Variants in ERBB4 observed in about 807,000 individuals in gnomAD.
ERBB4 encodes the protein erb-b2 receptor tyrosine kinase 4.
ERBB4 carries 42 observed loss-of-function variants against 158.0 expected under a neutral mutation model. The observed-to-expected ratio is 0.27, with a 90% CI of 0.21 to 0.34. The LOEUF (loss-of-function observed/expected upper bound fraction) is 0.34. Ranked by LOEUF, ERBB4 falls within the 10% of genes least tolerant of loss-of-function variation. The pLI is 1.00. For missense variants in ERBB4, 1,333 were observed against 1,624.1 expected, an observed-to-expected ratio of 0.82 and a Z score of 3.08; for synonymous variants, 583 against 558.7, an observed-to-expected ratio of 1.04 and a Z score of -0.61.
chr2:211,739,044 C>T (rs1428417146), intron 5 of ERBB4, among the ~76,000 whole-genome samples: 1 of 152,078 alleles, frequency 6.6e-6, no homozygotes, highest in African/African-American at 2.4e-5. Context: ...CCTAGTACTT[C>T]CAGTTATATC....
At chr2:211,632,975 C>T (rs757327782) in intron 16 of ERBB4, among the ~76,000 whole-genome samples, 1 of 152,004 alleles carries the variant, frequency 6.6e-6, no homozygotes. Flanking sequence ...TTATAAGAGG[C>T]CAAATTCTGC....
At chr2:212,280,235 G>A (rs1295275022) in intron 1 of ERBB4, among the ~76,000 whole-genome samples, 3 of 151,540 alleles carry the variant, frequency 2.0e-5, no homozygotes, top group Non-Finnish European at 4.4e-5. Context: ...AGATATATAG[G>A]CAATTTTTGC....
intron 2 of ERBB4, among the ~76,000 whole-genome samples, chr2:212,113,141 AAGGTT>A (rs1230577288): frequency 6.6e-6 from 1 of 152,162 alleles, no homozygotes; most frequent in East Asian, 1.9e-4. Context: ...GGAGCATGTT[AAGGTT>A]AGGGGAATAG....
rs557008759 is a variant in ERBB4, at chr2:211,483,999, T to A, written c.2488-52899A>T. On this transcript the variant is annotated intron_variant, in intron 20 of 27. Coordinates refer to ENST00000342788, the MANE Select transcript of ERBB4 (RefSeq NM_005235.3). ...TCTAAAACAAAGATAAAGGAAAGAC[T>A]TTTTTAGAAATACAAACGCTGAAAG... 2.6e-5 allele frequency among the ~76,000 whole-genome samples: 4 copies of A among 152,328 alleles called. No individual in the cohort carries two copies. The South Asian group carries it at 8.3e-4, about 32-fold the overall frequency.
At chr2:212,112,389 A>C (rs62184037) in intron 2 of ERBB4, among the ~76,000 whole-genome samples, 98 of 151,650 alleles carry the variant, frequency 6.5e-4, no homozygotes, top group Non-Finnish European at 1.1e-3. Flanking sequence ...AGGGTCCCCA[A>C]ATTTTGTGGC....
intron 2 of ERBB4, among the ~76,000 whole-genome samples, chr2:212,018,722 C>T (rs971297081): frequency 3.3e-5 from 5 of 152,088 alleles, no homozygotes; most frequent in African/African-American, 1.2e-4. Context: ...CTGTATTTGT[C>T]AGTTCTTTTC....
chr2:212,433,728 A>C (rs1484818746), intron 1 of ERBB4, among the ~76,000 whole-genome samples: 1 of 152,008 alleles, frequency 6.6e-6, no homozygotes, highest in Admixed American at 6.6e-5. Context: ...ACATTAGAAA[A>C]TATCATCTAT....
At chr2:211,677,295 T>G (rs973614473) in intron 13 of ERBB4, among the ~76,000 whole-genome samples, 5 of 152,176 alleles carry the variant, frequency 3.3e-5, no homozygotes, top group African/African-American at 1.2e-4. Flanking sequence ...CCGGGTGCAG[T>G]GGCTCATACC....
At chr2:212,464,985 TACA>T (rs1177793599) in intron 1 of ERBB4, among the ~76,000 whole-genome samples, 2 of 151,444 alleles carry the variant, frequency 1.3e-5, no homozygotes, top group African/African-American at 2.4e-5. Context: ...AATATTATAA[TACA>T]ACGATAGTAA....
At chr2:212,182,532 A>C (rs542195388) in intron 1 of ERBB4, among the ~76,000 whole-genome samples, 1 of 151,934 alleles carries the variant, frequency 6.6e-6, no homozygotes, top group South Asian at 2.1e-4. Context: ...CATCACTGTC[A>C]GGTTTGTAGG....
At chr2:211,691,568 ATGTGTGTGTGTGTG>A (rs61091828) in intron 12 of ERBB4, among the ~76,000 whole-genome samples, 1 of 139,052 alleles carries the variant, frequency 7.2e-6, no homozygotes, top group African/African-American at 2.7e-5. Context: ...ATAGAAACAT[ATGTGTGTGTGTGTG>A]TGTGTGTGTG....
intron 2 of ERBB4, among the ~76,000 whole-genome samples, chr2:211,971,273 G>A (rs189545737): frequency 1.4e-3 from 220 of 152,268 alleles, no homozygotes; most frequent in Non-Finnish European, 2.7e-3. Flanking sequence ...TCCCTTGGTA[G>A]TTGATGTGGC....
intron 1 of ERBB4, among the ~76,000 whole-genome samples, chr2:212,352,022 T>C (rs2089274897): frequency 6.6e-6 from 1 of 152,150 alleles, no homozygotes; most frequent in Admixed American, 6.6e-5. Flanking sequence ...TGTGGCAAGA[T>C]GAATGGAGCT....
chr2:211,502,514 T>C (rs2065642016), intron 20 of ERBB4, among the ~76,000 whole-genome samples: 1 of 152,134 alleles, frequency 6.6e-6, no homozygotes, highest in South Asian at 2.1e-4. Context: ...TAAGGATGCA[T>C]TACTATTGAA....
intron 1 of ERBB4, among the ~76,000 whole-genome samples, chr2:212,388,655 T>C (rs1368265443): frequency 2.0e-5 from 3 of 152,010 alleles, no homozygotes; most frequent in Admixed American, 6.6e-5. Flanking sequence ...GCAGAAGAAA[T>C]GCCATATTTC....
intron 3 of ERBB4, among the ~76,000 whole-genome samples, chr2:211,943,093 A>T (rs559899528): frequency 6.6e-6 from 1 of 152,264 alleles, no homozygotes; most frequent in African/African-American, 2.4e-5. Context: ...TTAAGTATTT[A>T]TGAAAGATTC....
intron 25 of ERBB4, among the ~76,000 whole-genome samples, chr2:211,397,437 T>C (rs1015470928): frequency 6.6e-6 from 1 of 152,094 alleles, no homozygotes; most frequent in African/African-American, 2.4e-5. Context: ...AAGCAAAAAA[T>C]GAAATGGAAC....
chr2:212,065,077 G>A (rs1396369862), intron 2 of ERBB4, among the ~76,000 whole-genome samples: 1 of 149,918 alleles, frequency 6.7e-6, no homozygotes, highest in Non-Finnish European at 1.5e-5. Context: ...ATAGAAGATA[G>A]TTCACTCAAT....
rs533052857 is a variant in ERBB4, at chr2:211,622,169, A to C, written c.2202+1753T>G. Among the ~76,000 whole-genome samples, 23 of 152,356 alleles carry C rather than the reference A, an allele frequency of 1.5e-4. No homozygotes were observed. In the South Asian group the frequency reaches 4.1e-3, roughly 27 times the overall value. On this transcript the variant is annotated intron_variant, in intron 18 of 27. Coordinates refer to ENST00000342788, the MANE Select transcript of ERBB4 (RefSeq NM_005235.3). ...GATATTTTATTGTAGAAATGAGTAC[A>C]GATTAAAATTATTAAAGATGTAAAT...
Sources: allele counts gnomAD v4.1 joint callset (sites outside exome capture counted in the v4.1 genomes callset), GRCh38; gene constraint gnomAD v4.1.1; transcripts MANE v1.5; gene names NCBI Gene and HGNC (gene_info 2026-07-23, HGNC 2026-07-21).